The following EVL variants were observed in gnomAD, a reference collection of about 807,000 sequenced individuals.
EVL encodes the protein ena/VASP-like protein.
EVL carries 21 observed loss-of-function variants against 59.6 expected under a neutral mutation model. The ratio of observed to expected loss-of-function variants is 0.35; its 90% CI spans 0.25 to 0.51. The LOEUF (loss-of-function observed/expected upper bound fraction) is 0.51, where lower values mean the gene tolerates loss of function less well. Ranked by LOEUF, EVL falls within the 20% of genes least tolerant of loss-of-function variation. The pLI is 0.97. For synonymous variants in EVL, 198 were observed against 203.5 expected (o/e 0.97, Z 0.23); for missense variants, 462 against 546.6 (o/e 0.85, Z 1.54).
At chr14:100,047,118 CTTT>C (rs869205625) in intron 1 of EVL, among the ~76,000 whole-genome samples, 6 of 23,892 alleles carry the variant, frequency 2.5e-4, no homozygotes, top group East Asian at 6.3e-4. Flanking sequence ...ATCTCTCTCT[CTTT>C]TTTTTTTTTT....
chr14:100,110,365 C>T (rs1046891584), intron 3 of EVL, among the ~76,000 whole-genome samples: 6 of 150,696 alleles, frequency 4.0e-5, no homozygotes, highest in African/African-American at 1.5e-4. Flanking sequence ...CAGAGCAAGA[C>T]GCTGTCTCAG....
chr14:100,102,253 C>G (rs914875524), intron 3 of EVL: 4 of 455,918 alleles, frequency 8.8e-6, no homozygotes, highest in African/African-American at 8.0e-5. Context: ...CATAGAGGAA[C>G]ACAGCCTCCT....
chr14:100,031,483 G>T (rs905451136), intron 1 of EVL, among the ~76,000 whole-genome samples: 2 of 152,220 alleles, frequency 1.3e-5, no homozygotes, highest in Non-Finnish European at 2.9e-5. Context: ...ACTGGAAAAT[G>T]AAAAGTGCTA....
In EVL at chr14:100,050,267, A is replaced by C. The variant is rs565452308; in HGVS notation, c.6-34420A>C. 8.5e-5 allele frequency among the ~76,000 whole-genome samples: 13 copies of C among 152,290 alleles called. No homozygotes were observed. The East Asian group carries it at 2.5e-3, about 29-fold the overall frequency. On this transcript the variant is annotated intron_variant, in intron 1 of 13. Coordinates refer to the EVL transcript ENST00000402714. Reference sequence around the variant, plus strand: ...TCTGTCTTTAAACATATATAACTTTAAAAGAAATGTCAACAGGAGGTATCT... The same window carrying C: ...TCTGTCTTTAAACATATATAACTTTCAAAGAAATGTCAACAGGAGGTATCT...
chr14:100,062,562 CA>C (rs1213489069), upstream of EVL, among the ~76,000 whole-genome samples: 1 of 152,026 alleles, frequency 6.6e-6, no homozygotes, highest in Non-Finnish European at 1.5e-5. Context: ...AAACAGAAAA[CA>C]AATAGCAAAG....
At chr14:99,990,181 A>C (rs932257796) in intron 1 of EVL, among the ~76,000 whole-genome samples, 2 of 152,140 alleles carry the variant, frequency 1.3e-5, no homozygotes, top group Admixed American at 1.3e-4. Flanking sequence ...CTGAATCACA[A>C]ATATTCTTAA....
At chr14:100,019,510 C>A (rs1463428685) in intron 1 of EVL, 16 of 601,700 alleles carry the variant, frequency 2.7e-5, no homozygotes, top group Non-Finnish European at 3.9e-5. Context: ...GGCTGCAGGC[C>A]CCTGTCTGCA....
At chr14:100,013,618 T>C (rs1378220182) in intron 1 of EVL, among the ~76,000 whole-genome samples, 1 of 152,196 alleles carries the variant, frequency 6.6e-6, no homozygotes, top group Non-Finnish European at 1.5e-5. Context: ...AGATCTTTGA[T>C]TGGGCCATGA....
Position 100,130,881 on chromosome 14 carries a change from G to A in EVL, c.839+1197G>A, listed in dbSNP as rs991095576. Among the ~76,000 whole-genome samples, 2 of 152,256 alleles carry A rather than the reference G, an allele frequency of 1.3e-5. No individual in the cohort carries two copies. Among genetic ancestry groups the A allele is most frequent in the Non-Finnish European group, 2.9e-5 (2 of 68,046 alleles). On this transcript the variant is annotated intron_variant, in intron 7 of 13. Transcript: ENST00000392920. This position sits in a 1 kb window ranked among gnomAD's most constrained non-coding sequence, Gnocchi z 4.8. ...TTGTACATCGCCAAGACAGGAGGCAGGCTTCTGAGCAGTTTCCTGTGAGAG... is the reference window on the plus strand; with the variant it reads ...TTGTACATCGCCAAGACAGGAGGCAAGCTTCTGAGCAGTTTCCTGTGAGAG...
intron 1 of EVL, among the ~76,000 whole-genome samples, chr14:100,004,350 C>T (rs1252856164): frequency 6.6e-6 from 1 of 151,938 alleles, no homozygotes; most frequent in East Asian, 1.9e-4. Flanking sequence ...GAGAGAAAAC[C>T]GAAAATGGCA....
chr14:100,140,427 A>G (rs1889094984), intron 11 of EVL: 12 of 152,206 alleles, frequency 7.9e-5, no homozygotes, highest in Admixed American at 7.9e-4. Context: ...CTTGGCCAAC[A>G]TGGTGAAACC....
At chr14:100,011,596 A>T (rs776923176) in intron 1 of EVL, among the ~76,000 whole-genome samples, 19 of 152,212 alleles carry the variant, frequency 1.2e-4, no homozygotes, top group Admixed American at 4.6e-4. Context: ...TTGAGCATAT[A>T]AGAATATTGA....
chr14:100,001,955 G>C (rs940013794), intron 1 of EVL, among the ~76,000 whole-genome samples: 1 of 152,146 alleles, frequency 6.6e-6, no homozygotes, highest in Admixed American at 6.5e-5. Flanking sequence ...CATACATTAA[G>C]AATACTCACA....
intron 1 of EVL, among the ~76,000 whole-genome samples, chr14:100,007,498 G>A (rs749935699): frequency 2.0e-5 from 3 of 152,140 alleles, no homozygotes; most frequent in African/African-American, 4.8e-5. Flanking sequence ...TTGAAAAAAA[G>A]ATCTGTGCTG....
At chr14:100,101,126 G>A (rs113958781) in intron 3 of EVL, among the ~76,000 whole-genome samples, 9,542 of 152,152 alleles carry the variant, frequency 0.063, 475 homozygotes, top group East Asian at 0.27. Flanking sequence ...TTGGGAGGCC[G>A]AGGTGGGCAG....
At chr14:100,059,727 G>A (rs770718368) in intron 1 of EVL, among the ~76,000 whole-genome samples, 2 of 151,958 alleles carry the variant, frequency 1.3e-5, no homozygotes, top group African/African-American at 2.4e-5. Context: ...GAGTCAGATG[G>A]GGGGGTGGTT....
chr14:99,984,663 G>A (rs1458611119), intron 1 of EVL, among the ~76,000 whole-genome samples: 2 of 152,062 alleles, frequency 1.3e-5, no homozygotes, highest in Admixed American at 6.6e-5. Context: ...ACCCAGGCTG[G>A]AGTGCAGTGG....
At chr14:100,059,669 A>G (rs1382763704) in intron 1 of EVL, among the ~76,000 whole-genome samples, 1 of 152,102 alleles carries the variant, frequency 6.6e-6, no homozygotes, top group Non-Finnish European at 1.5e-5. Flanking sequence ...TCAGGCATTC[A>G]GTTGAGATCC....
At chr14:99,992,740 T>A (rs1010661571) in intron 1 of EVL, among the ~76,000 whole-genome samples, 10 of 152,228 alleles carry the variant, frequency 6.6e-5, no homozygotes, top group South Asian at 4.1e-4. Flanking sequence ...TGACCATACA[T>A]GCAAATGGAC....
Sources: gnomAD v4.1 joint callset for allele counts (sites outside exome capture counted in the v4.1 genomes callset) on GRCh38, gnomAD v4.1.1 for gene constraint, Gnocchi (gnomAD v3.1) non-coding constraint, MANE v1.5 for transcripts, NCBI Gene and HGNC (gene_info 2026-07-23, HGNC 2026-07-21) for gene names.